Variants in EPB41L5 observed in about 807,000 individuals in gnomAD.
EPB41L5 encodes the protein band 4.1-like protein 5.
A neutral mutation model predicts 106.6 loss-of-function variants in EPB41L5; 55 were observed. That is an observed-to-expected ratio of 0.52 (90% CI 0.42 to 0.65). EPB41L5 has a LOEUF of 0.65. Among genes scored for constraint, EPB41L5 ranks in the 30% least tolerant of loss-of-function variants. EPB41L5 has a pLI of 0.00. For synonymous variants in EPB41L5, 297 were observed against 306.7 expected (o/e 0.97, Z 0.33); for missense variants, 871 against 882.1 (o/e 0.99, Z 0.16).
At chr2:120,054,522 T>A (rs1321079103) in intron 3 of EPB41L5, among the ~76,000 whole-genome samples, 1 of 3,204 alleles carries the variant, frequency 3.1e-4, no homozygotes, top group Non-Finnish European at 2.2e-3. Context: ...TGAGAAAGAG[T>A]CTCACTCTTC....
intron 3 of EPB41L5, among the ~76,000 whole-genome samples, chr2:120,056,601 T>G (rs539000913): frequency 6.6e-6 from 1 of 151,974 alleles, no homozygotes; most frequent in South Asian, 2.1e-4. Flanking sequence ...ACCTGACCAT[T>G]GGTTTGCCAG....
At chr2:120,015,187 C>G (rs1158322508) in intron 1 of EPB41L5, among the ~76,000 whole-genome samples, 1 of 151,860 alleles carries the variant, frequency 6.6e-6, no homozygotes, top group South Asian at 2.1e-4. Context: ...ATTAGCCGGT[C>G]GTAGCGGCGG....
rs138735783 is a variant in EPB41L5 at position 120,069,749 on chromosome 2, A to G, written c.286-3429A>G. On this transcript the variant is annotated intron_variant, in intron 3 of 24. Transcript: ENST00000263713. ...AAATAATGAAATTAAGGCAGAAATC[A>G]GTAAGTTCTTTGAAACCAATGAGAT... 8.5e-3 allele frequency among the ~76,000 whole-genome samples: 1,298 copies of G among 152,346 alleles called. 18 individuals are homozygous for G. The highest frequency in any genetic ancestry group is 0.03 in the African/African-American group (1,234 of 41,568).
chr2:120,168,067 AAAACTTATT>A, intron 24 of EPB41L5, 60 bp downstream of exon 24: 1 of 1,568,696 alleles, frequency 6.4e-7, no homozygotes. Flanking sequence ...AAAAAATAAT[AAAACTTATT>A]ATCTCTAAAG....
chr2:120,102,787 A>T (rs1227839977), intron 16 of EPB41L5, among the ~76,000 whole-genome samples: 1 of 152,236 alleles, frequency 6.6e-6, no homozygotes, highest in African/African-American at 2.4e-5. Context: ...TCAGTGGCTT[A>T]GAATAATCAA....
intron 10 of EPB41L5, among the ~76,000 whole-genome samples, chr2:120,079,594 G>C (rs868452800): frequency 6.6e-6 from 1 of 152,254 alleles, no homozygotes; most frequent in Admixed American, 6.5e-5. Flanking sequence ...AACACTGCTC[G>C]ATAAAGCCTG....
chr2:120,034,490 CTGTAGTGTAGAAATATTT>C (rs1678917642), intron 2 of EPB41L5, among the ~76,000 whole-genome samples: 1 of 152,142 alleles, frequency 6.6e-6, no homozygotes, highest in East Asian at 1.9e-4. Context: ...TGGCTTTCTG[CTGTAGTGTAGAAATATTT>C]TGTAGTGTAG....
In EPB41L5 at chr2:120,091,542, A is replaced by G. The variant is rs561604062; in HGVS notation, c.1044-13A>G. ...ACCTAAAATTTCCCTTACTTCTGTT[A>G]TGCCTCATTTAGTGGGAAAACAGAG... On this transcript the variant is annotated splice_polypyrimidine_tract_variant and intron_variant, in intron 12 of 24. Coordinates refer to ENST00000263713, the MANE Select transcript of EPB41L5 (RefSeq NM_020909.4). 3.1e-6 allele frequency: 5 copies of G among 1,596,864 alleles called. No individual in the cohort carries two copies. The African/African-American group carries it at 5.4e-5, about 17-fold the overall frequency.
chr2:120,107,157 C>G (rs1033089194), intron 16 of EPB41L5, among the ~76,000 whole-genome samples: 1 of 151,940 alleles, frequency 6.6e-6, no homozygotes, highest in Non-Finnish European at 1.5e-5. Flanking sequence ...GTAAACTGAA[C>G]AAGTTTGAAG....
intron 3 of EPB41L5, among the ~76,000 whole-genome samples, chr2:120,068,120 T>C (rs1166674749): frequency 6.6e-6 from 1 of 152,210 alleles, no homozygotes; most frequent in Admixed American, 6.5e-5. Flanking sequence ...TGGGTGCAGC[T>C]CATGGAGGGC....
At chr2:120,017,801 C>G (rs1217487009) in intron 1 of EPB41L5, among the ~76,000 whole-genome samples, 1 of 152,018 alleles carries the variant, frequency 6.6e-6, no homozygotes, top group Non-Finnish European at 1.5e-5. Flanking sequence ...AATGGAACTT[C>G]TCAGGATTTT....
intron 24 of EPB41L5, among the ~76,000 whole-genome samples, chr2:120,172,901 T>C (rs1227399593): frequency 6.6e-6 from 1 of 152,150 alleles, no homozygotes; most frequent in Non-Finnish European, 1.5e-5. Flanking sequence ...ATATTACATG[T>C]CTGAATGTAC....
chr2:120,086,068 G>T (rs1683033637), intron 10 of EPB41L5, among the ~76,000 whole-genome samples: 2 of 152,120 alleles, frequency 1.3e-5, no homozygotes, highest in Non-Finnish European at 2.9e-5. Flanking sequence ...TAGCATGGTG[G>T]CACGCACCTG....
At chr2:120,104,413 A>G (rs1574676885) in intron 16 of EPB41L5, 1 of 1,384,646 alleles carries the variant, frequency 7.2e-7, no homozygotes, top group East Asian at 2.7e-5. Context: ...ACAAGGAATC[A>G]AGGAAGCCAT....
chr2:120,167,730 T>C (rs1332944189), intron 23 of EPB41L5, 147 bp from the exon 24 acceptor site: 6 of 1,116,176 alleles, frequency 5.4e-6, no homozygotes, highest in Non-Finnish European at 7.8e-6. Context: ...AGATGAAGAA[T>C]AGTTAAGAAA....
At chr2:120,161,203 C>T (rs916690551) in intron 21 of EPB41L5, among the ~76,000 whole-genome samples, 2 of 152,018 alleles carry the variant, frequency 1.3e-5, no homozygotes, top group African/African-American at 2.4e-5. Context: ...CATGGCAAAA[C>T]CTGTCTCTAC....
At chr2:120,171,554 A>C (rs1490349095) in intron 24 of EPB41L5, among the ~76,000 whole-genome samples, 3 of 152,334 alleles carry the variant, frequency 2.0e-5, no homozygotes, top group Non-Finnish European at 4.4e-5. Flanking sequence ...TGAAGGGTGA[A>C]ATTTCCAACG....
intron 21 of EPB41L5, 111 bp downstream of exon 21, chr2:120,161,085 G>T: frequency 1.3e-6 from 1 of 795,680 alleles, no homozygotes; most frequent in Non-Finnish European, 2.1e-6. Context: ...GACTTAAGAT[G>T]TGAGAAGAGC....
intron 22 of EPB41L5, among the ~76,000 whole-genome samples, chr2:120,166,771 TA>T (rs1687432055): frequency 6.6e-6 from 1 of 152,260 alleles, no homozygotes; most frequent in Non-Finnish European, 1.5e-5. Flanking sequence ...TCTAATTTAC[TA>T]ATACCTGGAC....
Sources: gnomAD v4.1 joint callset for allele counts (sites outside exome capture counted in the v4.1 genomes callset) on GRCh38, gnomAD v4.1.1 for gene constraint, MANE v1.5 for transcripts, NCBI Gene and HGNC (gene_info 2026-07-23, HGNC 2026-07-21) for gene names.